The following TNNT1 variants were observed in gnomAD, a reference collection of about 807,000 sequenced individuals.
The protein encoded by TNNT1 is troponin T1, slow skeletal type, also known as troponin T, slow skeletal muscle.
In TNNT1, 53 loss-of-function variants were observed where a neutral mutation model predicts 50.6. The observed-to-expected ratio is 1.05, with a 90% CI of 0.84 to 1.32. TNNT1 has a LOEUF of 1.32. Ranked by LOEUF, TNNT1 falls within the 40% of genes most tolerant of loss-of-function variation. TNNT1 has a pLI of 0.00. For missense variants in TNNT1, 348 were observed against 381.7 expected (o/e 0.91, Z 0.74); for synonymous variants, 142 against 138.0 (o/e 1.03, Z -0.20).
chr19:55,141,719 G>C, intron 7 of TNNT1, 138 bp downstream of exon 7: 3 of 937,160 alleles, frequency 3.2e-6, no homozygotes, highest in Non-Finnish European at 5.2e-6. Context: ...CCTGACCTCA[G>C]GTGGGTCACC....
In TNNT1 at chr19:55,145,389, G is replaced by A. The variant is rs113852499; in HGVS notation, c.128+155C>T. 434 of 700,586 alleles carry A rather than the reference G, an allele frequency of 6.2e-4. 3 individuals carry two copies. In the African/African-American group the frequency reaches 6.8e-3, roughly 11 times the overall value. The allele number at this position is 700,586 out of a possible 1,614,324, so 43.4% of individuals were successfully genotyped here. ...GGAGGAGGAGGGAGAGGAGGGAGGA[G>A]GGAAAGGGGGAGGGAGGAGGAGGAG... is the stretch of plus-strand genomic sequence containing the variant. On this transcript the variant is annotated intron_variant, in intron 6 of 13. Coordinates refer to ENST00000588981, the MANE Select transcript of TNNT1 (RefSeq NM_003283.6).
rs564350250 is a variant in TNNT1 at position 55,138,389 on chromosome 19, A to T, written c.388-315T>A. 2.0e-5 allele frequency among the ~76,000 whole-genome samples: 3 copies of T among 150,856 alleles called. No individual in the cohort carries two copies. In the South Asian group the frequency reaches 6.3e-4, roughly 31 times the overall value. ...GCCTCCCGGGTTTAAGCAATTCTCC[A>T]GCCTCAGCCTCCTGAGTAGCTGGGA... On this transcript the variant is annotated intron_variant, in intron 9 of 13. Coordinates refer to ENST00000588981, the MANE Select transcript of TNNT1 (RefSeq NM_003283.6).
intron 9 of TNNT1, among the ~76,000 whole-genome samples, chr19:55,138,934 G>GCCC (rs2085403474): frequency 6.6e-6 from 1 of 152,204 alleles, no homozygotes; most frequent in Non-Finnish European, 1.5e-5. Context: ...TCCAGGCTGA[G>GCCC]CCCCGTCTCC....
At chr19:55,135,537 T>C in intron 11 of TNNT1, 1 of 255,424 alleles carries the variant, frequency 3.9e-6, no homozygotes, top group Non-Finnish European at 7.7e-6. Context: ...TTTTTTTTTT[T>C]TTTTTTTAAG....
intron 11 of TNNT1, chr19:55,135,401 TTTTC>T: frequency 4.3e-6 from 1 of 232,916 alleles, no homozygotes; most frequent in Non-Finnish European, 8.7e-6. Flanking sequence ...TCCTTCCTTC[TTTTC>T]TTTCTTTTCT....
intron 9 of TNNT1, 64 bp from the exon 10 acceptor site, chr19:55,138,138 G>A (rs1015180185): frequency 6.2e-7 from 1 of 1,612,478 alleles, no homozygotes; most frequent in Non-Finnish European, 8.5e-7. Flanking sequence ...AGGGCCCTGG[G>A]ATGTGGAACT....
intron 7 of TNNT1, 134 bp from the exon 8 acceptor site, chr19:55,141,436 G>C: frequency 1.4e-6 from 1 of 725,660 alleles, no homozygotes; most frequent in Non-Finnish European, 2.5e-6. Flanking sequence ...AATGCCTCGT[G>C]TTTGACACTA....
intron 7 of TNNT1, 55 bp from the exon 8 acceptor site, chr19:55,141,357 C>T: frequency 2.4e-6 from 3 of 1,259,880 alleles, no homozygotes; most frequent in Non-Finnish European, 3.5e-6. Context: ...GCAGCAGCCT[C>T]CCAGCACCTC....
intron 1 of TNNT1, 59 bp from the exon 2 acceptor site, chr19:55,147,227 A>G (rs2085577481): frequency 1.3e-6 from 2 of 1,547,958 alleles, no homozygotes; most frequent in Non-Finnish European, 1.8e-6. Context: ...GGCGACCTAG[A>G]CTCCTGGGTG....
At chr19:55,139,786 G>C (rs1052159706) in intron 9 of TNNT1, among the ~76,000 whole-genome samples, 17 of 149,642 alleles carry the variant, frequency 1.1e-4, no homozygotes, top group African/African-American at 3.7e-4. Context: ...GGGCAACATA[G>C]AAAGACCCTA....
At chr19:55,147,261 T>A in intron 1 of TNNT1, 93 bp from the exon 2 acceptor site, 1 of 1,232,592 alleles carries the variant, frequency 8.1e-7, no homozygotes, top group East Asian at 2.5e-5. Context: ...GCTGGGGGCC[T>A]GGACTCCTGG....
In TNNT1 at chr19:55,133,890, T is replaced by C. The variant is rs377276702; in HGVS notation, c.788A>G (p.Lys263Arg). 1.5e-5 allele frequency: 24 copies of C among 1,613,692 alleles called. No homozygotes were observed. The highest frequency in any genetic ancestry group is 1.9e-5 in the Non-Finnish European group (23 of 1,180,004). The part of the protein sequence containing the change: ...VLYNRISHAQ[K>R]FRKGAGKGRV... ...GGCTTGAGACGGTCACACTCACAACTTCTGGGCGTGGCTGATGCGGTTGTA... is the reference window on the plus strand; with the variant it reads ...GGCTTGAGACGGTCACACTCACAACCTCTGGGCGTGGCTGATGCGGTTGTA... The change falls in exon 13 of 14, where the codon AAG becomes AGG. Residue 263 changes from lysine to arginine, a missense_variant. Lys to Arg is a conservative substitution (Grantham distance 26). This residue lies in a region of TNNT1 where 253 missense variants were observed against 291.8 expected (regional missense o/e 0.87). Coordinates refer to ENST00000588981, the MANE Select transcript of TNNT1 (RefSeq NM_003283.6).
intron 6 of TNNT1, among the ~76,000 whole-genome samples, chr19:55,143,117 C>T (rs981046777): frequency 4.0e-5 from 6 of 150,444 alleles, no homozygotes; most frequent in Admixed American, 2.0e-4. Context: ...TGCAGTGAGC[C>T]GAGATCGTGC....
At chr19:55,136,783 G>A (rs2085352452) in intron 11 of TNNT1, among the ~76,000 whole-genome samples, 1 of 152,126 alleles carries the variant, frequency 6.6e-6, no homozygotes, top group African/African-American at 2.4e-5. Context: ...TAGGTAAAAG[G>A]CACAGCCCAT....
intron 9 of TNNT1, among the ~76,000 whole-genome samples, 186 bp from the exon 10 acceptor site, chr19:55,138,260 C>A (rs1038618846): frequency 3.3e-5 from 5 of 151,690 alleles, no homozygotes; most frequent in African/African-American, 1.2e-4. Context: ...GTGTGACCAC[C>A]TACAAGTCCC....
At position 55,145,527 on chromosome 19, in the gene TNNT1, AC is replaced by A; in HGVS notation, c.128+16del. 1.9e-6 allele frequency: 3 copies of A among 1,613,472 alleles called. No individual in the cohort carries two copies. The highest frequency in any genetic ancestry group is 2.5e-6 in the Non-Finnish European group (3 of 1,179,610). On this transcript the variant is annotated intron_variant, in intron 6 of 13. Coordinates refer to ENST00000588981, the MANE Select transcript of TNNT1 (RefSeq NM_003283.6). ...GGAAGATGTATGACTGGGGCCCCCC[AC>A]CCTGTAGGATCTCACCTTGGTTTGG... is the stretch of plus-strand genomic sequence containing the variant.
Position 55,147,012 on chromosome 19 carries a change from C to G in TNNT1, c.42G>C (p.Pro14=). The G allele has an allele frequency of 9.9e-6, 16 of 1,610,574 alleles. No individual in the cohort carries two copies. The highest frequency in any genetic ancestry group is 1.3e-5 in the Non-Finnish European group (15 of 1,178,766). ...TEEQEYEEEQ[P]EEEAAEEEEE... ...GCCGGCCCACTCCCTACTCACCTTCCGGCTGCTCCCTGCGGACGGGTGTGG... is the reference window on the plus strand; with the variant it reads ...GCCGGCCCACTCCCTACTCACCTTCGGGCTGCTCCCTGCGGACGGGTGTGG... Residue 14 remains proline, a synonymous_variant, in exon 3 of 14, where the codon CCG becomes CCC. Coordinates refer to ENST00000588981, the MANE Select transcript of TNNT1 (RefSeq NM_003283.6).
chr19:55,135,590 C>T (rs1395314163), intron 11 of TNNT1: 1 of 170,130 alleles, frequency 5.9e-6, no homozygotes, highest in South Asian at 9.3e-5. Context: ...TGCAGTGGTG[C>T]CATCTCGGCT....
rs565875955 is a variant in TNNT1, at chr19:55,134,282, G to C, written c.612-78C>G. 6 of 1,393,840 alleles carry C rather than the reference G, an allele frequency of 4.3e-6. No homozygotes were observed. In the African/African-American group the frequency reaches 7.1e-5, roughly 17 times the overall value. 86.3% of individuals were successfully genotyped at this position (1,393,840 alleles called of 1,614,324 possible). A position where few individuals can be genotyped will look rare whatever the true frequency, so the allele number is the denominator to read the frequency against. On this transcript the variant is annotated intron_variant, in intron 11 of 13. Transcript: ENST00000588981. ...CCAAAGCCACACAGCGAGACTGTGA[G>C]TTCAGCGTTGTCGGCACCATTTTGT...
Sources: allele counts gnomAD v4.1 joint callset (sites outside exome capture counted in the v4.1 genomes callset), GRCh38; gene constraint gnomAD v4.1.1; regional missense constraint gnomAD v4.1.1; transcripts MANE v1.5; gene names NCBI Gene and HGNC (gene_info 2026-07-23, HGNC 2026-07-21).